Variants in ANKZF1 observed in about 807,000 individuals in gnomAD.
ANKZF1 encodes the protein ankyrin repeat and zinc finger peptidyl tRNA hydrolase 1.
ANKZF1 carries 84 observed loss-of-function variants against 86.0 expected under a neutral mutation model. That is an observed-to-expected ratio of 0.98 (90% CI 0.82 to 1.17). The LOEUF is 1.17. ANKZF1 is among the 50% of genes most tolerant of loss of function. The pLI is 0.00. For synonymous variants in ANKZF1, 331 were observed against 354.2 expected, an observed-to-expected ratio of 0.93 and a Z score of 0.74; for missense variants, 893 against 918.4, an observed-to-expected ratio of 0.97 and a Z score of 0.36.
At position 219,236,511 on chromosome 2, in the gene ANKZF1, T is replaced by G. The variant is rs1019488716; in HGVS notation, c.*66T>G. On this transcript the variant is annotated 3_prime_UTR_variant, in exon 14 of 14. Coordinates refer to ENST00000323348, the MANE Select transcript of ANKZF1 (RefSeq NM_018089.3). Reference sequence around the variant, plus strand: ...AGGGCACATTCACAGCAGCCCTAGGTTTTTTCTTCCCCGTGAAACCAGAGA... The same window carrying G: ...AGGGCACATTCACAGCAGCCCTAGGGTTTTTCTTCCCCGTGAAACCAGAGA... The G allele has an allele frequency of 4.8e-5, 72 of 1,510,106 alleles. No individual in the cohort carries two copies. The highest frequency in any genetic ancestry group is 5.8e-5 in the Non-Finnish European group (66 of 1,132,180). The allele number at this position is 1,510,106 out of a possible 1,614,324, so 93.5% of individuals were successfully genotyped here.
At position 219,234,128 on chromosome 2, in the gene ANKZF1, G is replaced by A. The variant is rs1951131606; in HGVS notation, c.1049-5G>A. The A allele has an allele frequency of 6.2e-7, 1 of 1,605,262 alleles. No homozygotes were observed. Among genetic ancestry groups the A allele is most frequent in the Non-Finnish European group, 8.5e-7 (1 of 1,177,750 alleles). On this transcript the variant is annotated splice_region_variant and splice_polypyrimidine_tract_variant and intron_variant, in intron 8 of 13. Transcript: ENST00000323348. ...GGTTGAGAAAGATCTTTTCTTTTAT[G>A]GCAGAAGAAGACCCTCGGGAAGCAG...
intron 9 of ANKZF1, chr2:219,234,504 G>A (rs1465992795): frequency 2.9e-6 from 2 of 679,112 alleles, no homozygotes; most frequent in Admixed American, 2.8e-5. Context: ...TTTGTGTGGA[G>A]CAGATGCGTG....
Position 219,234,219 on chromosome 2 carries a change from G to T in ANKZF1, c.1135G>T (p.Glu379Ter). ...VREERKKPTE[E>*]EIRKICRDEK... ...AGAGGAGAGAAAGAAGCCTACTGAG[G>T]AAGAAATAAGAAAGATCTGCAGGGA... The change falls in exon 9 of 14, where the codon GAA becomes TAA. Residue 379 changes from glutamate (E) to a stop codon, truncating the protein, a stop_gained. Transcript: ENST00000323348. LOFTEE classifies it high-confidence loss of function. 1 of 1,614,102 alleles carries T rather than the reference G, an allele frequency of 6.2e-7. No individual in the cohort carries two copies. Among genetic ancestry groups the T allele is most frequent in the Non-Finnish European group, 8.5e-7 (1 of 1,180,044 alleles).
chr2:219,235,540 G>T lies in ANKZF1; in HGVS notation c.1758G>T (p.Arg586Ser). The T allele has an allele frequency of 1.9e-6, 3 of 1,614,054 alleles. No homozygotes were observed. Among genetic ancestry groups the T allele is most frequent in the Non-Finnish European group, 2.5e-6 (3 of 1,180,022 alleles). ...AATCAACACGTAATGAGTTCCGAAGGTTCATGGAGAAGAATCCAGATGCCT... is the reference window on the plus strand; with the variant it reads ...AATCAACACGTAATGAGTTCCGAAGTTTCATGGAGAAGAATCCAGATGCCT... ...ADKSTRNEFRRFMEKNPDAYD... is the reference protein window; with the variant it reads ...ADKSTRNEFRSFMEKNPDAYD... Residue 586 changes from arginine to serine, a missense_variant, in exon 11 of 14, where the codon AGG (arginine) becomes AGT (serine). Coordinates refer to ENST00000323348, the MANE Select transcript of ANKZF1 (RefSeq NM_018089.3).
Position 219,236,106 on chromosome 2 carries a change from C to T in ANKZF1, c.2057+11C>T, listed in dbSNP as rs201177511. The T allele has an allele frequency of 3.7e-5, 59 of 1,613,980 alleles. No homozygotes were observed. The Admixed American group carries it at 5.2e-4, about 14-fold the overall frequency. ...AATCGTCAATACTCGGTATGGGGTG[C>T]GGGATGAGGGAGTGGGTGGACTGTA... On this transcript the variant is annotated intron_variant, in intron 13 of 13. Coordinates refer to ENST00000323348, the MANE Select transcript of ANKZF1 (RefSeq NM_018089.3).
chr2:219,231,959 G>A lies in ANKZF1; in HGVS notation c.180G>A (p.Lys60=), dbSNP rs188688032. ...GSGERESPER[K]LLQGPMDISE... ...GGGAGAGAGAAAGCCCAGAAAGAAA[G>A]CTACTCCAGGGTCCTATGGATATTT... is the stretch of plus-strand genomic sequence containing the variant. Residue 60 remains lysine (K), a synonymous_variant, in exon 3 of 14, where the codon AAG becomes AAA. Transcript: ENST00000323348. 240 of 1,614,016 alleles carry A rather than the reference G, an allele frequency of 1.5e-4. 2 individuals are homozygous for A. In the African/African-American group the frequency reaches 2.8e-3, roughly 19 times the overall value.
intron 5 of ANKZF1, 152 bp downstream of exon 5, chr2:219,232,835 C>T: frequency 1.1e-6 from 1 of 950,834 alleles, no homozygotes; most frequent in Non-Finnish European, 1.5e-6. Context: ...TGAAACTGGC[C>T]TGAATTGTGG....
intron 2 of ANKZF1, 152 bp downstream of exon 2, chr2:219,230,557 C>A: frequency 1.0e-6 from 1 of 1,002,690 alleles, no homozygotes; most frequent in Non-Finnish European, 1.4e-6. Flanking sequence ...TGGGTAATGT[C>A]CAGCACAGCC....
In ANKZF1 at chr2:219,229,990, G is replaced by A; in HGVS notation, c.-31+90G>A. ...AAGAAAGTTCGGCTAGGCAAGCTCA[G>A]TGATTTTTAACTCTGTTGGACTCGA... On this transcript the variant is annotated intron_variant, in intron 1 of 13. Coordinates refer to ENST00000323348, the MANE Select transcript of ANKZF1 (RefSeq NM_018089.3). The surrounding 1 kb of genome is among the most constrained non-coding windows in gnomAD (Gnocchi z 4.2). 2.7e-6 allele frequency: 1 copy of A among 364,802 alleles called. No individual in the cohort carries two copies. The highest frequency in any genetic ancestry group is 4.7e-5 in the East Asian group (1 of 21,146). 22.6% of individuals were successfully genotyped at this position (364,802 alleles called of 1,614,324 possible). A position where few individuals can be genotyped will look rare whatever the true frequency, so the allele number is the denominator to read the frequency against.
At position 219,234,121 on chromosome 2, in the gene ANKZF1, CTTT is replaced by C. The variant is rs765379929; in HGVS notation, c.1049-10_1049-8del. 6.2e-7 allele frequency: 1 copy of C among 1,604,180 alleles called. No individual in the cohort carries two copies. Among genetic ancestry groups the C allele is most frequent in the East Asian group, 2.2e-5 (1 of 44,830 alleles). On this transcript the variant is annotated splice_polypyrimidine_tract_variant and intron_variant, in intron 8 of 13. Transcript: ENST00000323348. ...CAGCTAAGGTTGAGAAAGATCTTTT[CTTT>C]TATGGCAGAAGAAGACCCTCGGGAA...
At chr2:219,236,251 A>C (rs900108313) in intron 13 of ANKZF1, 71 bp from the exon 14 acceptor site, 243 of 1,609,838 alleles carry the variant, frequency 1.5e-4, no homozygotes, top group Non-Finnish European at 2.0e-4. Flanking sequence ...TGGCAGGAGG[A>C]GGGACGGGGA....
In ANKZF1 at chr2:219,234,164, C is replaced by T. The variant is rs202032166; in HGVS notation, c.1080C>T (p.His360=). 57 of 1,613,714 alleles carry T rather than the reference C, an allele frequency of 3.5e-5. No homozygotes were observed. The highest frequency in any genetic ancestry group is 4.1e-5 in the Non-Finnish European group (48 of 1,179,986). The change falls in exon 9 of 14, where the codon CAC becomes CAT. Residue 360 remains histidine (H), a synonymous_variant. Transcript: ENST00000323348. ...ACCCTCGGGAAGCAGTCAGACTGCA[C>T]TCACCTCAGACACACTGGAAAACAG... ...EEDPREAVRL[H]SPQTHWKTVR...
At position 219,233,634 on chromosome 2, in the gene ANKZF1, CTTCTGTGGGCCATTT is replaced by C. The variant is rs1293884838; in HGVS notation, c.820-78_820-64del. The C allele has an allele frequency of 2.0e-6, 3 of 1,492,258 alleles. No individual in the cohort carries two copies. The African/African-American group carries it at 4.2e-5, about 21-fold the overall frequency. 92.4% of individuals were successfully genotyped at this position (1,492,258 alleles called of 1,614,324 possible). ...TATCCTCTACTTTCCACCCCTTGCA[CTTCTGTGGGCCATTT>C]TTTTTAGTTGGAGATTTATAAATAG... On this transcript the variant is annotated intron_variant, in intron 7 of 13. Transcript: ENST00000323348.
chr2:219,235,400 C>A, intron 10 of ANKZF1, 74 bp from the exon 11 acceptor site: 1 of 1,602,422 alleles, frequency 6.2e-7, no homozygotes, highest in Non-Finnish European at 8.5e-7. Context: ...TGGCAATATT[C>A]CCTTGGTCTG....
chr2:219,234,571 C>T (rs538200172), intron 9 of ANKZF1: 120 of 648,626 alleles, frequency 1.9e-4, no homozygotes, highest in South Asian at 9.0e-4. Context: ...TGGTTTGAGG[C>T]TGAGGGCTGC....
rs775439685 is a variant in ANKZF1, at chr2:219,235,593, G to C, written c.1803+8G>C. On this transcript the variant is annotated splice_region_variant and intron_variant, in intron 11 of 13. Transcript: ENST00000323348. Reference sequence around the variant, plus strand: ...GATTACAACAAGGCTCAGGTCATCTGGAATAGGAAGGACAAGCAGAGTGGG... The same window carrying C: ...GATTACAACAAGGCTCAGGTCATCTCGAATAGGAAGGACAAGCAGAGTGGG... The C allele has an allele frequency of 6.2e-7, 1 of 1,613,904 alleles. No individual in the cohort carries two copies. Among genetic ancestry groups the C allele is most frequent in the South Asian group, 1.1e-5 (1 of 91,066 alleles).
chr2:219,236,664 C>T lies in ANKZF1; in HGVS notation c.*219C>T. 1.7e-6 allele frequency: 1 copy of T among 600,840 alleles called. No homozygotes were observed. Among genetic ancestry groups the T allele is most frequent in the Non-Finnish European group, 2.7e-6 (1 of 371,194 alleles). 37.2% of individuals were successfully genotyped at this position (600,840 alleles called of 1,614,324 possible). On this transcript the variant is annotated 3_prime_UTR_variant, in exon 14 of 14. Coordinates refer to ENST00000323348, the MANE Select transcript of ANKZF1 (RefSeq NM_018089.3). ...GTTTGGCAAGGAATGTGTACTTGTA[C>T]TTACATTCAGAGGCACTGTGGCCTT... is the stretch of plus-strand genomic sequence containing the variant.
chr2:219,233,288 G>T lies in ANKZF1; in HGVS notation c.674G>T (p.Arg225Ile). The change falls in exon 7 of 14, where the codon AGA becomes ATA. Residue 225 changes from arginine (R) to isoleucine (I), a missense_variant and splice_region_variant. Coordinates refer to ENST00000323348, the MANE Select transcript of ANKZF1 (RefSeq NM_018089.3). ...GHFAGAIFQG[R>I]EVVTHKTFHR... ...TACTGAGTCTGTGCTGTCTACAGAAGAGAAGTGGTGACACACAAAACTTTT... is the reference window on the plus strand; with the variant it reads ...TACTGAGTCTGTGCTGTCTACAGAATAGAAGTGGTGACACACAAAACTTTT... 1 of 1,614,218 alleles carries T rather than the reference G, an allele frequency of 6.2e-7. No homozygotes were observed. The highest frequency in any genetic ancestry group is 8.5e-7 in the Non-Finnish European group (1 of 1,180,050).
In ANKZF1 at chr2:219,235,858, C is replaced by T. The variant is rs1256478131; in HGVS notation, c.1954C>T (p.Leu652Phe). The T allele has an allele frequency of 5.0e-6, 8 of 1,614,048 alleles. No individual in the cohort carries two copies. Among genetic ancestry groups the T allele is most frequent in the Middle Eastern group, 1.6e-4 (1 of 6,082 alleles). The change falls in exon 12 of 14, where the codon CTC (leucine) becomes TTC (phenylalanine). Residue 652 changes from leucine to phenylalanine, a missense_variant. Coordinates refer to ENST00000323348, the MANE Select transcript of ANKZF1 (RefSeq NM_018089.3). Reference protein sequence around the residue: ...EREEQRRFAALSDREKRALAA... With the variant: ...EREEQRRFAAFSDREKRALAA... ...AGAAGAGCAGCGGCGATTTGCCGCC[C>T]TCAGTGACCGAGAGAAGGTGAGGCT...
Sources: allele counts gnomAD v4.1 joint callset, GRCh38; gene constraint gnomAD v4.1.1; non-coding constraint Gnocchi (gnomAD v3.1); transcripts MANE v1.5; gene names NCBI Gene and HGNC (gene_info 2026-07-23, HGNC 2026-07-21).